The following SLC9A1 variants were observed in gnomAD, a reference collection of about 807,000 sequenced individuals.
SLC9A1 encodes the protein sodium/hydrogen exchanger 1.
In SLC9A1, 22 loss-of-function variants were observed where a neutral mutation model predicts 67.9. The ratio of observed to expected loss-of-function variants is 0.32; its 90% CI spans 0.23 to 0.46. SLC9A1 has a LOEUF of 0.46. SLC9A1 is among the 20% of genes least tolerant of loss of function. The pLI, the probability that SLC9A1 is intolerant of heterozygous loss-of-function variation, is 1.00. For synonymous variants in SLC9A1, 421 were observed against 471.8 expected (o/e 0.89, Z 1.40); for missense variants, 686 against 1,094.8 (o/e 0.63, Z 5.27).
At chr1:27,144,734 C>T (rs1297664089) in intron 1 of SLC9A1, among the ~76,000 whole-genome samples, 2 of 152,214 alleles carry the variant, frequency 1.3e-5, no homozygotes, top group Non-Finnish European at 2.9e-5. Flanking sequence ...ACAGGCCAGG[C>T]GTGGTGGCTC....
chr1:27,129,047 A>G (rs1570871832), intron 1 of SLC9A1, among the ~76,000 whole-genome samples: 1 of 152,198 alleles, frequency 6.6e-6, no homozygotes, highest in East Asian at 1.9e-4. Flanking sequence ...AGAAACCAGC[A>G]GCGGCAGGGT....
At chr1:27,107,220 T>TAC (rs1345716217) in intron 4 of SLC9A1, among the ~76,000 whole-genome samples, 1 of 758 alleles carries the variant, frequency 1.3e-3, no homozygotes, top group Non-Finnish European at 2.6e-3. Context: ...CCAGCCCCTC[T>TAC]ACACACACCC....
rs952129356 is a variant in SLC9A1 at position 27,100,742 on chromosome 1, T to C, written c.2111-98A>G. 32 of 967,688 alleles carry C rather than the reference T, an allele frequency of 3.3e-5. No homozygotes were observed. In the African/African-American group the frequency reaches 4.2e-4, roughly 13 times the overall value. The allele number at this position is 967,688 out of a possible 1,614,324, so 59.9% of individuals were successfully genotyped here. A position where few individuals can be genotyped will look rare whatever the true frequency, so the allele number is the denominator to read the frequency against. On this transcript the variant is annotated intron_variant, in intron 11 of 11. Coordinates refer to ENST00000263980, the MANE Select transcript of SLC9A1 (RefSeq NM_003047.5). The surrounding 1 kb of genome is among the most constrained non-coding windows in gnomAD (Gnocchi z 5.6). The stretch of plus-strand genomic sequence containing the variant: ...TCAGTGCCTCCTTCAGGCCTTCTCA[T>C]GAGCACAGCCGTCCCGGTCCCAACA...
intron 1 of SLC9A1, among the ~76,000 whole-genome samples, chr1:27,123,386 T>G (rs2083318229): frequency 6.6e-6 from 1 of 152,260 alleles, no homozygotes; most frequent in Non-Finnish European, 1.5e-5. Context: ...AAATCACACA[T>G]GCTGTGCTTC....
intron 2 of SLC9A1, 30 bp downstream of exon 2, chr1:27,113,796 G>T: frequency 6.4e-7 from 1 of 1,559,256 alleles, no homozygotes; most frequent in South Asian, 1.2e-5. Context: ...TGTACCGTTT[G>T]GACATGGGCA....
intron 1 of SLC9A1, among the ~76,000 whole-genome samples, chr1:27,131,947 A>AAAAAAATATATATAT: frequency 3.1e-4 from 16 of 52,114 alleles, no homozygotes; most frequent in African/African-American, 8.9e-4. Flanking sequence ...AGAAAAAAAA[A>AAAAAAATATATATAT]ATATATATAT....
chr1:27,136,477 A>G (rs1464016312), intron 1 of SLC9A1, among the ~76,000 whole-genome samples: 20 of 152,234 alleles, frequency 1.3e-4, no homozygotes, highest in Non-Finnish European at 1.5e-5. Context: ...TTGACCCAGA[A>G]AAGTCAGACC....
intron 5 of SLC9A1, 98 bp downstream of exon 5, chr1:27,105,787 C>G (rs2083180081): frequency 1.9e-6 from 2 of 1,056,836 alleles, no homozygotes; most frequent in Non-Finnish European, 1.5e-6. Flanking sequence ...GGAGCTGGGA[C>G]TAGAATCGCA....
At chr1:27,111,379 G>A (rs1035571048) in intron 2 of SLC9A1, among the ~76,000 whole-genome samples, 5 of 152,230 alleles carry the variant, frequency 3.3e-5, no homozygotes, top group East Asian at 1.9e-4. Flanking sequence ...CTCAGACTAC[G>A]GATTTGAACC....
chr1:27,124,255 A>C (rs192200162), intron 1 of SLC9A1, among the ~76,000 whole-genome samples: 116 of 152,202 alleles, frequency 7.6e-4, no homozygotes, highest in Admixed American at 5.8e-3. Context: ...GCCATGGGAG[A>C]GCTAGATTTT....
Position 27,109,976 on chromosome 1 carries a change from C to T in SLC9A1, c.814-199G>A, listed in dbSNP as rs1394073567. On this transcript the variant is annotated intron_variant, in intron 2 of 11. Coordinates refer to ENST00000263980, the MANE Select transcript of SLC9A1 (RefSeq NM_003047.5). The surrounding 1 kb of genome is among the most constrained non-coding windows in gnomAD (Gnocchi z 5.5). ...TGAGGGGCTTGCTCTGGGCCAGCCACGTGCCCCACTGGTGAAGGGTGGGCC... is the reference window on the plus strand; with the variant it reads ...TGAGGGGCTTGCTCTGGGCCAGCCATGTGCCCCACTGGTGAAGGGTGGGCC... 6.6e-6 allele frequency among the ~76,000 whole-genome samples: 1 copy of T among 152,010 alleles called. No individual in the cohort carries two copies. The highest frequency in any genetic ancestry group is 1.5e-5 in the Non-Finnish European group (1 of 67,960).
Position 27,114,377 on chromosome 1 carries a change from T to G in SLC9A1, c.353-91A>C, listed in dbSNP as rs2083252009. ...GATGGGCCGGGGATGAGGAGCGCAG[T>G]TGGTGAGAGGTGCACAGGCTGGGTC... On this transcript the variant is annotated intron_variant, in intron 1 of 11. Transcript: ENST00000263980. This position sits in a 1 kb window ranked among gnomAD's most constrained non-coding sequence, Gnocchi z 5.4. 3 of 1,023,658 alleles carry G rather than the reference T, an allele frequency of 2.9e-6. No individual in the cohort carries two copies. The highest frequency in any genetic ancestry group is 5.2e-5 in the East Asian group (2 of 38,638). 63.4% of individuals were successfully genotyped at this position (1,023,658 alleles called of 1,614,324 possible). A position where few individuals can be genotyped will look rare whatever the true frequency, so the allele number is the denominator to read the frequency against.
intron 6 of SLC9A1, 141 bp from the exon 7 acceptor site, chr1:27,102,884 C>A: frequency 1.4e-6 from 1 of 740,396 alleles, no homozygotes; most frequent in Non-Finnish European, 2.3e-6. Flanking sequence ...GGAGGTGGCG[C>A]CCACACTCCA....
rs1379402641 is a variant in SLC9A1, at chr1:27,109,348, T to C, written c.1064+179A>G. ...AAGTGCTCCTCTTCTAGGAAGCCAC[T>C]GATGCCCTTGGCCATTTAAATGGCT... On this transcript the variant is annotated intron_variant, in intron 3 of 11. Transcript: ENST00000263980. This position sits in a 1 kb window ranked among gnomAD's most constrained non-coding sequence, Gnocchi z 5.5. Among the ~76,000 whole-genome samples, 1 of 152,110 alleles carries C rather than the reference T, an allele frequency of 6.6e-6. No individual in the cohort carries two copies. The highest frequency in any genetic ancestry group is 2.1e-4 in the South Asian group (1 of 4,832).
At position 27,124,514 on chromosome 1, in the gene SLC9A1, A is replaced by G. The variant is rs1438295116; in HGVS notation, c.353-10228T>C. 4.6e-5 allele frequency among the ~76,000 whole-genome samples: 7 copies of G among 152,368 alleles called. No homozygotes were observed. In the South Asian group the frequency reaches 1.2e-3, roughly 27 times the overall value. ...GGAAAGCAACACAAAAAGAAATTCT[A>G]CAATTTCCAGGACAATTGCCCTGCA... On this transcript the variant is annotated intron_variant, in intron 1 of 11. Coordinates refer to ENST00000263980, the MANE Select transcript of SLC9A1 (RefSeq NM_003047.5).
rs869309425 is a variant in SLC9A1 at position 27,133,072 on chromosome 1, C to CT, written c.353-18787dup. The stretch of plus-strand genomic sequence containing the variant: ...CCCGTCAGGGTTTTGTTTCCTGATT[C>CT]TTTTTTTTTTTTTGAGACGGAGTCT... On this transcript the variant is annotated intron_variant, in intron 1 of 11. Coordinates refer to ENST00000263980, the MANE Select transcript of SLC9A1 (RefSeq NM_003047.5). Among the ~76,000 whole-genome samples, 1,121 of 145,550 alleles carry CT rather than the reference C, an allele frequency of 7.7e-3. 5 individuals are homozygous for CT. The highest frequency in any genetic ancestry group is 0.05 in the Middle Eastern group (14 of 280).
At chr1:27,133,072 CTTT>C (rs869309425) in intron 1 of SLC9A1, among the ~76,000 whole-genome samples, 1 of 145,636 alleles carries the variant, frequency 6.9e-6, no homozygotes. Flanking sequence ...TTTCCTGATT[CTTT>C]TTTTTTTTTT....
intron 2 of SLC9A1, among the ~76,000 whole-genome samples, chr1:27,112,659 G>A (rs1022574903): frequency 6.6e-6 from 1 of 152,068 alleles, no homozygotes; most frequent in Non-Finnish European, 1.5e-5. Context: ...TGAGGTGGGC[G>A]GATCACCTGA....
intron 1 of SLC9A1, among the ~76,000 whole-genome samples, chr1:27,122,442 C>G (rs2083310407): frequency 6.6e-6 from 1 of 152,152 alleles, no homozygotes; most frequent in East Asian, 1.9e-4. Context: ...TTTTGAGGAT[C>G]CTGAAGCCTG....
Sources: allele counts gnomAD v4.1 joint callset (sites outside exome capture counted in the v4.1 genomes callset), GRCh38; gene constraint gnomAD v4.1.1; non-coding constraint Gnocchi (gnomAD v3.1); transcripts MANE v1.5; gene names NCBI Gene and HGNC (gene_info 2026-07-23, HGNC 2026-07-21).